The following ZMYM5 variants were observed in gnomAD, a reference collection of about 807,000 sequenced individuals.
The protein encoded by ZMYM5 is zinc finger MYM-type protein 5.
In ZMYM5, 41 loss-of-function variants were observed where a neutral mutation model predicts 61.8. That is an observed-to-expected ratio of 0.66 (90% CI 0.52 to 0.86). The LOEUF is 0.86. ZMYM5 is among the 40% of genes least tolerant of loss of function. The probability of loss-of-function intolerance (pLI) is 0.00; values close to 1 mark genes in which losing one functional copy is unlikely to be tolerated. For missense variants in ZMYM5, 706 were observed against 786.7 expected (o/e 0.90, Z 1.23); for synonymous variants, 257 against 276.4 (o/e 0.93, Z 0.70).
chr13:19,844,691 G>A (rs1363304234), intron 4 of ZMYM5, among the ~76,000 whole-genome samples: 1 of 152,050 alleles, frequency 6.6e-6, no homozygotes, highest in Non-Finnish European at 1.5e-5. Flanking sequence ...GCGCAATATC[G>A]GCTCACTGCA....
chr13:19,863,216 C>T (rs578070202), intron 1 of ZMYM5, among the ~76,000 whole-genome samples: 1 of 151,290 alleles, frequency 6.6e-6, no homozygotes, highest in Admixed American at 6.6e-5. Context: ...GCCTCCCCGC[C>T]GGCCCCGCGA....
At chr13:19,854,458 C>T (rs1192042186) in intron 2 of ZMYM5, among the ~76,000 whole-genome samples, 2 of 152,042 alleles carry the variant, frequency 1.3e-5, no homozygotes, top group African/African-American at 4.8e-5. Context: ...AACCCCATCT[C>T]TACTAAAAAT....
chr13:19,842,042 C>T (rs1566095803), intron 4 of ZMYM5: 2 of 152,342 alleles, frequency 1.3e-5, no homozygotes. Context: ...GTCTCGATCT[C>T]CTGACCTCGT....
Position 19,825,111 on chromosome 13 carries a change from A to T in ZMYM5, c.1376T>A (p.Ile459Asn), listed in dbSNP as rs1890847547. 1 of 1,364,314 alleles carries T rather than the reference A, an allele frequency of 7.3e-7. No individual in the cohort carries two copies. The highest frequency in any genetic ancestry group is 1.5e-5 in the African/African-American group (1 of 67,520). The allele number at this position is 1,364,314 out of a possible 1,614,324, so 84.5% of individuals were successfully genotyped here. ...SNTLLKKIEG[I>N]PEKKEKTSQL... ...TGAAGTCTTTTCCTTTTTTTCTGGG[A>T]TTCCCTCTATTTTTTTCAAAAGTGT... is the stretch of plus-strand genomic sequence containing the variant. The change falls in exon 8 of 8, where the codon ATC (isoleucine) becomes AAC (asparagine). Residue 459 changes from isoleucine to asparagine, a missense_variant. This residue lies in a region of ZMYM5 where 226 missense variants were observed against 325.0 expected (regional missense o/e 0.70). Coordinates refer to ENST00000337963, the MANE Select transcript of ZMYM5 (RefSeq NM_001142684.2).
chr13:19,837,751 T>C lies in ZMYM5; in HGVS notation c.943A>G (p.Ser315Gly), dbSNP rs140287910. The C allele has an allele frequency of 4.4e-6, 7 of 1,586,866 alleles. No homozygotes were observed. The African/African-American group carries it at 6.9e-5, about 16-fold the overall frequency. ...ESSKSFQEFY[S>G]TSCLSPCENN... is the part of the protein sequence containing the mutation. The stretch of plus-strand genomic sequence containing the variant: ...TCACAGGGAGACAAACAAGATGTAC[T>C]ATAAAATTCTTGGAAGGATTTGCTT... Residue 315 changes from serine (S) to glycine (G), a missense_variant, in exon 6 of 8, where the codon AGT becomes GGT. Physicochemically the swap from Ser to Gly is moderately conservative, Grantham distance 56. Coordinates refer to ENST00000337963, the MANE Select transcript of ZMYM5 (RefSeq NM_001142684.2).
intron 2 of ZMYM5, among the ~76,000 whole-genome samples, chr13:19,862,019 A>G (rs1330547750): frequency 2.0e-5 from 3 of 152,196 alleles, no homozygotes; most frequent in Non-Finnish European, 2.9e-5. Flanking sequence ...CATAAATAAC[A>G]GTCTTCCTCA....
chr13:19,828,411 T>A (rs1320550010), intron 7 of ZMYM5, among the ~76,000 whole-genome samples: 1 of 151,794 alleles, frequency 6.6e-6, no homozygotes, highest in Non-Finnish European at 1.5e-5. Context: ...GAGGTGGAGG[T>A]TGCAGTGAGC....
Position 19,837,767 on chromosome 13 carries a change from G to A in ZMYM5, c.927C>T (p.Ser309=), listed in dbSNP as rs751025116. 6.3e-7 allele frequency: 1 copy of A among 1,590,312 alleles called. No individual in the cohort carries two copies. The highest frequency in any genetic ancestry group is 8.5e-7 in the Non-Finnish European group (1 of 1,174,582). ...NVILPVESSK[S]FQEFYSTSCL... The stretch of plus-strand genomic sequence containing the variant: ...AAGATGTACTATAAAATTCTTGGAA[G>A]GATTTGCTTGATTCTACTGGAAGAA... Residue 309 remains serine, a synonymous_variant, in exon 6 of 8, where the codon TCC becomes TCT. Transcript: ENST00000337963.
chr13:19,843,418 G>A (rs1476115456), intron 4 of ZMYM5: 2 of 139,112 alleles, frequency 1.4e-5, no homozygotes, highest in East Asian at 4.3e-4. Context: ...AAGGCTTCTA[G>A]TTTCCATGAA....
At chr13:19,861,949 G>T (rs1462456438) in intron 2 of ZMYM5, among the ~76,000 whole-genome samples, 1 of 152,066 alleles carries the variant, frequency 6.6e-6, no homozygotes, top group Non-Finnish European at 1.5e-5. Context: ...ATTAGGAATA[G>T]TTTGACAACT....
chr13:19,825,400 T>G (rs1890862369), intron 7 of ZMYM5, among the ~76,000 whole-genome samples, 165 bp from the exon 8 acceptor site: 1 of 152,126 alleles, frequency 6.6e-6, no homozygotes, highest in Non-Finnish European at 1.5e-5. Context: ...ATCCCAGCAC[T>G]TTGGGAGGCC....
intron 1 of ZMYM5, among the ~76,000 whole-genome samples, chr13:19,862,956 G>C (rs891320793): frequency 6.6e-6 from 1 of 152,222 alleles, no homozygotes; most frequent in South Asian, 2.1e-4. Context: ...GCAGCAAAGA[G>C]TAAAAGCCGC....
At chr13:19,830,636 C>T (rs559235090) in intron 7 of ZMYM5, among the ~76,000 whole-genome samples, 250 of 151,556 alleles carry the variant, frequency 1.6e-3, no homozygotes, top group Admixed American at 3.5e-3. Context: ...CAGGTTCAAG[C>T]GATTCTCCTG....
intron 4 of ZMYM5, 47 bp from the exon 5 acceptor site, chr13:19,839,032 C>T: frequency 6.3e-7 from 1 of 1,577,214 alleles, no homozygotes; most frequent in Non-Finnish European, 8.6e-7. Flanking sequence ...TCAAAATGTA[C>T]ATCAGAAAAA....
At chr13:19,833,822 A>T (rs919187239) in intron 7 of ZMYM5, among the ~76,000 whole-genome samples, 1 of 152,188 alleles carries the variant, frequency 6.6e-6, no homozygotes, top group African/African-American at 2.4e-5. Flanking sequence ...ACATTAAGAA[A>T]ATGAAAAGAC....
Position 19,852,066 on chromosome 13 carries a change from C to T in ZMYM5, c.115G>A (p.Ala39Thr). ...CTAGATCTACTGACTAAAGGACAAG[C>T]TGGATGACCAAATGAATCCCCTATG... ...MDIGDSFGHP[A>T]CPLVSRSRNS... Residue 39 changes from alanine to threonine, a missense_variant, in exon 3 of 8, where the codon GCT becomes ACT. By Grantham distance (58) the Ala-to-Thr change is moderately conservative. This residue lies in a region of ZMYM5 where 480 missense variants were observed against 461.7 expected (regional missense o/e 1.04). Transcript: ENST00000337963. 6.2e-7 allele frequency: 1 copy of T among 1,613,964 alleles called. No individual in the cohort carries two copies. The highest frequency in any genetic ancestry group is 8.5e-7 in the Non-Finnish European group (1 of 1,180,008).
In ZMYM5 at chr13:19,836,663, G is replaced by A. The variant is rs187177363; in HGVS notation, c.1039-974C>T. Among the ~76,000 whole-genome samples the A allele has an allele frequency of 2.6e-3, 402 of 152,268 alleles. 1 individual carries two copies. The highest frequency in any genetic ancestry group is 7.7e-3 in the South Asian group (37 of 4,828). On this transcript the variant is annotated intron_variant, in intron 6 of 7. Coordinates refer to ENST00000337963, the MANE Select transcript of ZMYM5 (RefSeq NM_001142684.2). ...TAAAGTTCACTGCCCTAGAACATTT[G>A]TGGAGGGAGCTAAGGGAATCAATAT...
At chr13:19,828,424 A>C (rs1891027719) in intron 7 of ZMYM5, among the ~76,000 whole-genome samples, 1 of 152,150 alleles carries the variant, frequency 6.6e-6, no homozygotes, top group East Asian at 1.9e-4. Flanking sequence ...CAGTGAGCTG[A>C]GATCGTGCCA....
chr13:19,848,410 G>C (rs1259134628), intron 4 of ZMYM5, among the ~76,000 whole-genome samples: 1 of 151,778 alleles, frequency 6.6e-6, no homozygotes, highest in East Asian at 1.9e-4. Context: ...CCTACGAAAA[G>C]TGCTGCAATT....
Sources: allele counts gnomAD v4.1 joint callset (sites outside exome capture counted in the v4.1 genomes callset), GRCh38; gene constraint gnomAD v4.1.1; regional missense constraint gnomAD v4.1.1; transcripts MANE v1.5; gene names NCBI Gene and HGNC (gene_info 2026-07-23, HGNC 2026-07-21).